The following R3HDM2 variants were observed in gnomAD, a reference collection of about 807,000 sequenced individuals.
R3HDM2 encodes R3H domain containing 2, also known as R3H domain-containing protein 2.
In R3HDM2, 38 loss-of-function variants were observed where a neutral mutation model predicts 124.5. That is an observed-to-expected ratio of 0.31 (90% confidence interval 0.24 to 0.40). The LOEUF (loss-of-function observed/expected upper bound fraction) is 0.40. Among genes scored for constraint, R3HDM2 ranks in the 10% least tolerant of loss-of-function variants. R3HDM2 has a pLI of 1.00. For missense variants in R3HDM2, 869 were observed against 1,236.9 expected, an observed-to-expected ratio of 0.70 and a Z score of 4.46; for synonymous variants, 391 against 448.0, an observed-to-expected ratio of 0.87 and a Z score of 1.61.
At chr12:57,343,764 T>TAAAAAAAAAAA (rs5798403) in intron 2 of R3HDM2, among the ~76,000 whole-genome samples, 2 of 111,662 alleles carry the variant, frequency 1.8e-5, no homozygotes, top group Non-Finnish European at 1.9e-5. Flanking sequence ...TACAAAAGGT[T>TAAAAAAAAAAA]AAAAAAAAAA....
chr12:57,413,341 C>G (rs1427401375), intron 1 of R3HDM2, among the ~76,000 whole-genome samples: 3 of 151,466 alleles, frequency 2.0e-5, no homozygotes, highest in Non-Finnish European at 4.4e-5. Context: ...TGTCTGTACT[C>G]CCAACACTTT....
At chr12:57,279,091 T>A (rs985225836) in intron 14 of R3HDM2, among the ~76,000 whole-genome samples, 5 of 151,574 alleles carry the variant, frequency 3.3e-5, no homozygotes, top group African/African-American at 1.2e-4. Flanking sequence ...GGATAAAGTA[T>A]GGGGCTCTCC....
chr12:57,256,725 T>C lies in R3HDM2; in HGVS notation c.2450-214A>G, dbSNP rs189417273. 2.7e-3 allele frequency among the ~76,000 whole-genome samples: 414 copies of C among 152,216 alleles called. 1 individual carries two copies. Among genetic ancestry groups the C allele is most frequent in the African/African-American group, 9.7e-3 (405 of 41,540 alleles). ...AGATAAATGGGACTACTAGGTCCCA[T>C]CATCCTTGAAGAAAGGCTCTATCCA... is the stretch of plus-strand genomic sequence containing the variant. On this transcript the variant is annotated intron_variant, in intron 21 of 23. Coordinates refer to ENST00000402412, the MANE Select transcript of R3HDM2 (RefSeq NM_001394031.1).
chr12:57,276,208 TAAAAA>T (rs1263227424), intron 14 of R3HDM2, among the ~76,000 whole-genome samples: 1 of 105,358 alleles, frequency 9.5e-6, no homozygotes. Flanking sequence ...AGACTCCATC[TAAAAA>T]AAAAAAAAAA....
intron 1 of R3HDM2, among the ~76,000 whole-genome samples, chr12:57,427,522 G>T (rs1313823880): frequency 6.7e-6 from 1 of 150,374 alleles, no homozygotes; most frequent in Non-Finnish European, 1.5e-5. Context: ...GCTAATTTTT[G>T]TATTTTTAGT....
chr12:57,297,076 C>T (rs770154952), intron 8 of R3HDM2: 22 of 386,686 alleles, frequency 5.7e-5, no homozygotes, highest in Non-Finnish European at 9.3e-5. Flanking sequence ...TTATTAAGCC[C>T]TAGGTCCCAC....
rs145822970 is a variant in R3HDM2 at position 57,316,538 on chromosome 12, C to T, written c.-35-6075G>A. ...CTAGACTGTGGCAGCACCCTGCCAA[C>T]ACATGGAGGATGGGGAAGCAGAGAA... On this transcript the variant is annotated intron_variant, in intron 2 of 23. Transcript: ENST00000402412. Among the ~76,000 whole-genome samples the T allele has an allele frequency of 1.1e-4, 17 of 149,136 alleles. 1 individual carries two copies. The East Asian group carries it at 3.4e-3, about 30-fold the overall frequency.
intron 2 of R3HDM2, among the ~76,000 whole-genome samples, chr12:57,315,751 G>A (rs1189764316): frequency 1.3e-5 from 2 of 152,220 alleles, no homozygotes; most frequent in Non-Finnish European, 2.9e-5. Flanking sequence ...ATTCATTGGA[G>A]AAACAGGAAG....
chr12:57,409,532 GA>G (rs963437406), intron 1 of R3HDM2, among the ~76,000 whole-genome samples: 5 of 134,572 alleles, frequency 3.7e-5, no homozygotes, highest in African/African-American at 5.4e-5. Flanking sequence ...AAAAGAAAAA[GA>G]AAAAAAAAAT....
intron 2 of R3HDM2, among the ~76,000 whole-genome samples, chr12:57,364,590 A>G (rs893003548): frequency 6.6e-6 from 1 of 151,974 alleles, no homozygotes; most frequent in Admixed American, 6.6e-5. Context: ...CTGTGTCCTC[A>G]TATGATCTTT....
chr12:57,367,267 T>A (rs549547070), intron 2 of R3HDM2, among the ~76,000 whole-genome samples: 1 of 152,294 alleles, frequency 6.6e-6, no homozygotes, highest in South Asian at 2.1e-4. Flanking sequence ...ACCAGTGAAC[T>A]AAAGCTAAAG....
intron 3 of R3HDM2, among the ~76,000 whole-genome samples, chr12:57,308,486 A>C (rs925270690): frequency 2.7e-5 from 4 of 146,446 alleles, no homozygotes; most frequent in African/African-American, 1.0e-4. Flanking sequence ...GGAGTTCAAG[A>C]CCAGCCTGGC....
chr12:57,421,673 A>T (rs1007930768), intron 1 of R3HDM2, among the ~76,000 whole-genome samples: 1 of 149,598 alleles, frequency 6.7e-6, no homozygotes, highest in Non-Finnish European at 1.5e-5. Flanking sequence ...GGCCCAGCTA[A>T]TTTTTCTTAT....
At chr12:57,381,141 G>T (rs2064811736) in intron 2 of R3HDM2, among the ~76,000 whole-genome samples, 1 of 152,178 alleles carries the variant, frequency 6.6e-6, no homozygotes, top group African/African-American at 2.4e-5. Flanking sequence ...GGAGACAGGA[G>T]AATCACTTGA....
intron 17 of R3HDM2, chr12:57,268,705 G>A (rs1321967725): frequency 2.9e-6 from 2 of 692,782 alleles, no homozygotes; most frequent in African/African-American, 1.8e-5. Flanking sequence ...TACTTTCCTG[G>A]GCATATACTC....
At chr12:57,372,609 G>A (rs4760254) in intron 2 of R3HDM2, among the ~76,000 whole-genome samples, 2 of 152,006 alleles carry the variant, frequency 1.3e-5, no homozygotes, top group African/African-American at 2.4e-5. Flanking sequence ...GGTACTATTT[G>A]GAAAGAGCAG....
intron 2 of R3HDM2, among the ~76,000 whole-genome samples, chr12:57,369,621 G>A (rs1392538874): frequency 6.6e-6 from 1 of 151,868 alleles, no homozygotes; most frequent in Non-Finnish European, 1.5e-5. Context: ...TTTACCATTC[G>A]AAAAGGCACA....
intron 2 of R3HDM2, among the ~76,000 whole-genome samples, chr12:57,319,416 G>T (rs2055903804): frequency 6.6e-6 from 1 of 152,032 alleles, no homozygotes; most frequent in South Asian, 2.1e-4. Flanking sequence ...GTCCCTGCTT[G>T]TATACCTCTT....
chr12:57,356,052 G>A (rs1387583779), intron 2 of R3HDM2, among the ~76,000 whole-genome samples: 2 of 151,886 alleles, frequency 1.3e-5, no homozygotes, highest in Non-Finnish European at 2.9e-5. Context: ...GCCTTTTACT[G>A]TTTCCCCCAC....
Sources: allele counts gnomAD v4.1 joint callset (sites outside exome capture counted in the v4.1 genomes callset), GRCh38; gene constraint gnomAD v4.1.1; transcripts MANE v1.5; gene names NCBI Gene and HGNC (gene_info 2026-07-23, HGNC 2026-07-21).